Variants in KLRG1 observed in about 807,000 individuals in gnomAD.
KLRG1 encodes the protein killer cell lectin like receptor G1, also known as killer cell lectin-like receptor subfamily G member 1.
In KLRG1, 16 loss-of-function variants were observed where a neutral mutation model predicts 21.8. The ratio of observed to expected loss-of-function variants is 0.73; its 90% CI spans 0.50 to 1.11. The LOEUF (loss-of-function observed/expected upper bound fraction) is 1.11. Ranked by LOEUF, KLRG1 falls within the 50% of genes most tolerant of loss-of-function variation. The pLI, the probability that KLRG1 is intolerant of heterozygous loss-of-function variation, is 0.00. For synonymous variants in KLRG1, 69 were observed against 75.9 expected, an observed-to-expected ratio of 0.91 and a Z score of 0.47; for missense variants, 173 against 218.3, an observed-to-expected ratio of 0.79 and a Z score of 1.31.
chr12:8,961,990 G>A (rs535023907), intron 1 of KLRG1, among the ~76,000 whole-genome samples: 92 of 152,286 alleles, frequency 6.0e-4, no homozygotes, highest in Non-Finnish European at 1.0e-3. Context: ...GGAGGCTGAG[G>A]TGGGAGAATT....
At chr12:9,107,688 C>T in the KLRG1 span, 1 of 1,603,224 alleles carries the variant, frequency 6.2e-7, no homozygotes, top group Admixed American at 1.7e-5. Context: ...AGACACTGAA[C>T]CTCCCCATTT....
chr12:9,073,246 C>T, the KLRG1 span, among the ~76,000 whole-genome samples: 1 of 152,200 alleles, frequency 6.6e-6, no homozygotes, highest in African/African-American at 2.4e-5. Flanking sequence ...AAGCAAAGTT[C>T]AGTCTGGCTC....
At chr12:9,200,349 A>G in the KLRG1 span, 4 of 1,550,414 alleles carry the variant, frequency 2.6e-6, no homozygotes, top group Non-Finnish European at 3.5e-6. Flanking sequence ...TTTAGATAAA[A>G]ACAATGTAAC....
the KLRG1 span, chr12:9,181,006 C>G: frequency 3.7e-6 from 6 of 1,613,832 alleles, no homozygotes; most frequent in Non-Finnish European, 5.1e-6. Context: ...AGCTCAGCCT[C>G]AGGCTTCATG....
At chr12:9,070,175 A>G in the KLRG1 span, among the ~76,000 whole-genome samples, 2 of 152,254 alleles carry the variant, frequency 1.3e-5, no homozygotes, top group African/African-American at 2.4e-5. Context: ...GTTTATGCCA[A>G]TCAGTCATTT....
chr12:9,178,971 C>T, the KLRG1 span, among the ~76,000 whole-genome samples: 3 of 152,110 alleles, frequency 2.0e-5, no homozygotes, highest in Non-Finnish European at 2.9e-5. Flanking sequence ...TTTCATATTA[C>T]GAATTTACCA....
chr12:9,062,460 A>G, the KLRG1 span, among the ~76,000 whole-genome samples: 1 of 144,234 alleles, frequency 6.9e-6, no homozygotes, highest in Non-Finnish European at 1.5e-5. Flanking sequence ...GACACAATAG[A>G]TGGATAATAT....
chr12:9,034,027 G>T, the KLRG1 span, among the ~76,000 whole-genome samples: 1 of 152,216 alleles, frequency 6.6e-6, no homozygotes, highest in Non-Finnish European at 1.5e-5. Flanking sequence ...GTATCTCTGT[G>T]TAGGATCTCC....
the KLRG1 span, chr12:9,072,931 A>C: frequency 2.8e-6 from 4 of 1,418,350 alleles, no homozygotes; most frequent in Admixed American, 4.1e-5. Context: ...GAGGGCTGAG[A>C]TATTTTTCAA....
At chr12:9,119,303 G>C in the KLRG1 span, among the ~76,000 whole-genome samples, 1 of 152,308 alleles carries the variant, frequency 6.6e-6, no homozygotes, top group South Asian at 2.1e-4. Flanking sequence ...AATGTTAATA[G>C]CATTCATTTG....
chr12:9,158,752 C>CTTTTTTTTTTTTTTTTTTT, the KLRG1 span, among the ~76,000 whole-genome samples: 41 of 97,786 alleles, frequency 4.2e-4, 1 homozygote, highest in Non-Finnish European at 4.7e-4. Context: ...TTTTTCTTTT[C>CTTTTTTTTTTTTTTTTTTT]TTTTCTTTTT....
At chr12:9,034,634 G>A in the KLRG1 span, among the ~76,000 whole-genome samples, 2 of 152,170 alleles carry the variant, frequency 1.3e-5, no homozygotes, top group South Asian at 4.2e-4. Flanking sequence ...TTTTAGTAGA[G>A]ACGGGTTTCA....
intron 1 of KLRG1, among the ~76,000 whole-genome samples, chr12:8,984,438 G>A (rs141872480): frequency 0.016 from 2,429 of 152,128 alleles, 27 homozygotes; most frequent in Non-Finnish European, 0.019. Context: ...GTTTTTAGTA[G>A]AGACAGGGTT....
chr12:9,081,234 G>A, the KLRG1 span, among the ~76,000 whole-genome samples: 7 of 151,976 alleles, frequency 4.6e-5, no homozygotes, highest in Non-Finnish European at 2.9e-5. Flanking sequence ...CAAAAATAAG[G>A]TCATCCTTGT....
chr12:8,965,402 T>C (rs1371295046), intron 1 of KLRG1, among the ~76,000 whole-genome samples: 1 of 152,242 alleles, frequency 6.6e-6, no homozygotes, highest in Non-Finnish European at 1.5e-5. Flanking sequence ...AAATTGTCCC[T>C]GTTTGCAGAT....
At chr12:9,013,743 A>G (rs1947662891), downstream of KLRG1, among the ~76,000 whole-genome samples, 1 of 152,086 alleles carries the variant, frequency 6.6e-6, no homozygotes, top group African/African-American at 2.4e-5. Context: ...CCATGATTCA[A>G]TTACCTCCCA....
the KLRG1 span, among the ~76,000 whole-genome samples, chr12:9,215,477 C>G: frequency 2.0e-5 from 3 of 151,668 alleles, no homozygotes; most frequent in Non-Finnish European, 2.9e-5. Flanking sequence ...TTAATAAATA[C>G]GAAAAAAGTC....
chr12:9,125,637 C>T, the KLRG1 span, among the ~76,000 whole-genome samples: 2 of 152,136 alleles, frequency 1.3e-5, no homozygotes, highest in African/African-American at 4.8e-5. Flanking sequence ...GCATTTTTAA[C>T]GTATTCCTCT....
At chr12:9,036,783 C>A in the KLRG1 span, 1 of 394,288 alleles carries the variant, frequency 2.5e-6, no homozygotes, top group South Asian at 2.4e-5. Context: ...TTTTGCTGGA[C>A]CTGCAATCTA....
Sources: allele counts gnomAD v4.1 joint callset (sites outside exome capture counted in the v4.1 genomes callset), GRCh38; gene constraint gnomAD v4.1.1; transcripts MANE v1.5; gene names NCBI Gene and HGNC (gene_info 2026-07-23, HGNC 2026-07-21).